Variants in ZNF134 observed in about 807,000 individuals in gnomAD.
The protein encoded by ZNF134 is zinc finger protein 134 (clone pHZ-15).
Under a neutral mutation model 2.5 loss-of-function variants are expected in ZNF134, and 5 were observed. The ratio of observed to expected loss-of-function variants is 2.03; its 90% CI spans 1.06 to 4.27. The LOEUF is 4.27. ZNF134 is among the 30% of genes most tolerant of loss of function. ZNF134 has a pLI of 0.00. For synonymous variants in ZNF134, 176 were observed against 176.2 expected (o/e 1.00, Z 0.01); for missense variants, 540 against 517.5 (o/e 1.04, Z -0.42).
rs370054183 is a variant in ZNF134, at chr19:57,621,148, G to A, written c.1029G>A (p.Pro343=). The A allele has an allele frequency of 1.6e-5, 26 of 1,614,112 alleles. No homozygotes were observed. Among genetic ancestry groups the A allele is most frequent in the Middle Eastern group, 1.6e-4 (1 of 6,084 alleles). ...AGCGAATTCACACTGAGTCAAAGCC[G>A]TTTGAGTGCATTGAATGCGGGAAAT... ...KHQRIHTESK[P]FECIECGKFF... Residue 343 remains proline, a synonymous_variant, in exon 3 of 3, where the codon CCG becomes CCA. Transcript: ENST00000396161.
At position 57,621,393 on chromosome 19, in the gene ZNF134, G is replaced by A. The variant is rs376620094; in HGVS notation, c.1274G>A (p.Gly425Asp). 6.2e-7 allele frequency: 1 copy of A among 1,613,228 alleles called. No homozygotes were observed. Among genetic ancestry groups the A allele is most frequent in the Non-Finnish European group, 8.5e-7 (1 of 1,180,010 alleles). The change falls in exon 3 of 3, where the codon GGC becomes GAC. Residue 425 changes from glycine (G) to aspartate (D), a missense_variant. By Grantham distance (94) the Gly-to-Asp change is moderately conservative. Coordinates refer to ENST00000396161, the MANE Select transcript of ZNF134 (RefSeq NM_003435.5). ...LNRHQKVHTA[G>D]RL ...CGGCACCAGAAAGTTCACACTGCAG[G>A]CAGGCTTTAGGAGTGCTTTGAATAC...
rs1178532411 is a variant in ZNF134, at chr19:57,622,439, G to A, written c.*1036G>A. ...TTGGGGAGATTGTGGCAAACTAGAG[G>A]GGAAGTGCCCATTGTAAAAACACAT... On this transcript the variant is annotated 3_prime_UTR_variant, in exon 3 of 3. Coordinates refer to ENST00000396161, the MANE Select transcript of ZNF134 (RefSeq NM_003435.5). The A allele has an allele frequency of 2.0e-5, 3 of 152,202 alleles. No homozygotes were observed. The highest frequency in any genetic ancestry group is 7.2e-5 in the African/African-American group (3 of 41,422). 9.4% of individuals were successfully genotyped at this position (152,202 alleles called of 1,614,324 possible).
At chr19:57,617,085 C>A (rs1349668738) in intron 1 of ZNF134, among the ~76,000 whole-genome samples, 3 of 152,158 alleles carry the variant, frequency 2.0e-5, no homozygotes, top group Non-Finnish European at 4.4e-5. Flanking sequence ...TTCAGGGAAC[C>A]TCAGGCCTCC....
In ZNF134 at chr19:57,621,092, T is replaced by C; in HGVS notation, c.973T>C (p.Phe325Leu). The C allele has an allele frequency of 6.2e-7, 1 of 1,614,224 alleles. No homozygotes were observed. ...TGATTGCAGTGATTGTGGGAAATCCTTTGGCCACAAATACACCCTCATTAA... is the reference window on the plus strand; with the variant it reads ...TGATTGCAGTGATTGTGGGAAATCCCTTGGCCACAAATACACCCTCATTAA... ...PYDCSDCGKS[F>L]GHKYTLIKHQ... The change falls in exon 3 of 3, where the codon TTT becomes CTT. Residue 325 changes from phenylalanine to leucine, a missense_variant. By Grantham distance (22) the Phe-to-Leu change is conservative. Transcript: ENST00000396161.
chr19:57,614,691 A>C (rs1451524316), intron 1 of ZNF134, among the ~76,000 whole-genome samples, 188 bp downstream of exon 1: 1 of 152,186 alleles, frequency 6.6e-6, no homozygotes, highest in African/African-American at 2.4e-5. Context: ...AGCCCGTAGC[A>C]GTCGGGAGCG....
In ZNF134 at chr19:57,621,604, C is replaced by T; in HGVS notation, c.*201C>T. The T allele has an allele frequency of 2.4e-6, 2 of 832,594 alleles. No individual in the cohort carries two copies. Among genetic ancestry groups the T allele is most frequent in the Admixed American group, 1.7e-5 (1 of 58,698 alleles). The allele number at this position is 832,594 out of a possible 1,614,324, so 51.6% of individuals were successfully genotyped here. ...GCCGAAACCATCTTAACTCTACCAG[C>T]TAAGATACCCCAGCATTGGGGAAGG... On this transcript the variant is annotated 3_prime_UTR_variant, in exon 3 of 3. Coordinates refer to ENST00000396161, the MANE Select transcript of ZNF134 (RefSeq NM_003435.5).
chr19:57,616,755 G>C (rs1981061993), intron 1 of ZNF134, among the ~76,000 whole-genome samples: 1 of 152,218 alleles, frequency 6.6e-6, no homozygotes, highest in Non-Finnish European at 1.5e-5. Context: ...CCTCTTGTGA[G>C]GTTGCCATGG....
intron 1 of ZNF134, 95 bp from the exon 2 acceptor site, chr19:57,619,317 G>A: frequency 1.0e-6 from 1 of 963,742 alleles, no homozygotes; most frequent in Non-Finnish European, 1.6e-6. Context: ...GGTTCATTTT[G>A]TAGCATTTGT....
Position 57,622,280 on chromosome 19 carries a change from A to G in ZNF134, c.*877A>G, listed in dbSNP as rs960833959. ...ATGTTCCCCAACACTGTTGAGGGAA[A>G]GCTGTTCCTCAGGACCTGCTGAGTG... On this transcript the variant is annotated 3_prime_UTR_variant, in exon 3 of 3. Coordinates refer to ENST00000396161, the MANE Select transcript of ZNF134 (RefSeq NM_003435.5). 6.6e-6 allele frequency: 1 copy of G among 152,316 alleles called. No homozygotes were observed. The highest frequency in any genetic ancestry group is 2.4e-5 in the African/African-American group (1 of 41,440). 9.4% of individuals were successfully genotyped at this position (152,316 alleles called of 1,614,324 possible).
rs751099887 is a variant in ZNF134 at position 57,621,451 on chromosome 19, T to A, written c.*48T>A. On this transcript the variant is annotated 3_prime_UTR_variant, in exon 3 of 3. Coordinates refer to ENST00000396161, the MANE Select transcript of ZNF134 (RefSeq NM_003435.5). ...CTCATCAATCAGATGTTGAATTTCA[T>A]GTATCTGAACATTGACACAAAGGAG... The A allele has an allele frequency of 1.2e-6, 2 of 1,604,842 alleles. No individual in the cohort carries two copies. Among genetic ancestry groups the A allele is most frequent in the Non-Finnish European group, 1.7e-6 (2 of 1,179,070 alleles).
rs1408341217 is a variant in ZNF134 at position 57,622,073 on chromosome 19, T to A, written c.*670T>A. On this transcript the variant is annotated 3_prime_UTR_variant, in exon 3 of 3. Coordinates refer to ENST00000396161, the MANE Select transcript of ZNF134 (RefSeq NM_003435.5). Reference sequence around the variant, plus strand: ...ACAGTTCTTAGTCCAGTTTTGATGTTAACTTCCATAGCTGACAAAGCTTGT... The same window carrying A: ...ACAGTTCTTAGTCCAGTTTTGATGTAAACTTCCATAGCTGACAAAGCTTGT... 1 of 159,524 alleles carries A rather than the reference T, an allele frequency of 6.3e-6. No homozygotes were observed. Among genetic ancestry groups the A allele is most frequent in the Non-Finnish European group, 1.4e-5 (1 of 71,742 alleles). The allele number at this position is 159,524 out of a possible 1,614,324, so 9.9% of individuals were successfully genotyped here. A position where few individuals can be genotyped will look rare whatever the true frequency, so the allele number is the denominator to read the frequency against.
rs752176044 is a variant in ZNF134 at position 57,620,718 on chromosome 19, G to A, written c.599G>A (p.Gly200Glu). 1 of 1,611,226 alleles carries A rather than the reference G, an allele frequency of 6.2e-7. No individual in the cohort carries two copies. The highest frequency in any genetic ancestry group is 8.5e-7 in the Non-Finnish European group (1 of 1,177,504). The change falls in exon 3 of 3, where the codon GGA becomes GAA. Residue 200 changes from glycine (G) to glutamate (E), a missense_variant. By Grantham distance (98) the Gly-to-Glu change is moderately conservative. Transcript: ENST00000396161. ...GTCCAGCACCAGAGAATTCATAGTG[G>A]AGAGAAGCCTTATGAGTGCAGCGAA... ...TLVQHQRIHS[G>E]EKPYECSECG...
intron 2 of ZNF134, 127 bp downstream of exon 2, chr19:57,619,635 T>G (rs1981142216): frequency 9.7e-7 from 1 of 1,034,834 alleles, no homozygotes; most frequent in Non-Finnish European, 1.4e-6. Flanking sequence ...TTATCCCCAT[T>G]CTGTACACTC....
At chr19:57,620,054 G>T in intron 2 of ZNF134, 106 bp from the exon 3 acceptor site, 5 of 1,332,888 alleles carry the variant, frequency 3.8e-6, no homozygotes, top group Non-Finnish European at 5.1e-6. Context: ...TGTTCCACCA[G>T]GAAACTTAGG....
chr19:57,615,578 C>T (rs975121862), intron 1 of ZNF134, among the ~76,000 whole-genome samples: 4 of 152,096 alleles, frequency 2.6e-5, no homozygotes, highest in Admixed American at 2.0e-4. Flanking sequence ...GTGTTAATCA[C>T]GATCCCAAGA....
In ZNF134 at chr19:57,614,310, C is replaced by G. The variant is rs902070650; in HGVS notation, c.-251C>G. ...GAAGCTCGGGGTTGCTGGGCGGTTC[C>G]GAGGTGACGGAAGCGGGAGGGTGCG... On this transcript the variant is annotated 5_prime_UTR_variant, in exon 1 of 3. Transcript: ENST00000396161. 1.8e-5 allele frequency: 8 copies of G among 453,202 alleles called. No homozygotes were observed. Among genetic ancestry groups the G allele is most frequent in the South Asian group, 4.7e-5 (3 of 64,200 alleles). 28.1% of individuals were successfully genotyped at this position (453,202 alleles called of 1,614,324 possible). A position where few individuals can be genotyped will look rare whatever the true frequency, so the allele number is the denominator to read the frequency against.
In ZNF134 at chr19:57,614,393, C is replaced by T. The variant is rs374445742; in HGVS notation, c.-168C>T. The T allele has an allele frequency of 2.2e-5, 10 of 452,702 alleles. No homozygotes were observed. Among genetic ancestry groups the T allele is most frequent in the Admixed American group, 9.4e-5 (4 of 42,358 alleles). 28.0% of individuals were successfully genotyped at this position (452,702 alleles called of 1,614,324 possible). On this transcript the variant is annotated 5_prime_UTR_variant, in exon 1 of 3. Transcript: ENST00000396161. ...CGCCAGCGAAGACCCCGCCTGCGCCCCCGGGGACGGACGACCGCGGTGCCA... is the reference window on the plus strand; with the variant it reads ...CGCCAGCGAAGACCCCGCCTGCGCCTCCGGGGACGGACGACCGCGGTGCCA...
At position 57,622,120 on chromosome 19, in the gene ZNF134, T is replaced by C. The variant is rs1294069371; in HGVS notation, c.*717T>C. 6.4e-6 allele frequency: 1 copy of C among 156,808 alleles called. No homozygotes were observed. The highest frequency in any genetic ancestry group is 1.4e-5 in the Non-Finnish European group (1 of 70,604). The allele number at this position is 156,808 out of a possible 1,614,324, so 9.7% of individuals were successfully genotyped here. A position where few individuals can be genotyped will look rare whatever the true frequency, so the allele number is the denominator to read the frequency against. On this transcript the variant is annotated 3_prime_UTR_variant, in exon 3 of 3. Transcript: ENST00000396161. ...TTGTTAAGTAAGAATTAAGATCTTG[T>C]GTAGACCTGATTTGTCTGGATTTTA...
In ZNF134 at chr19:57,620,847, G is replaced by A. The variant is rs769411089; in HGVS notation, c.728G>A (p.Arg243Gln). 1.7e-5 allele frequency: 28 copies of A among 1,614,030 alleles called. No homozygotes were observed. Among genetic ancestry groups the A allele is most frequent in the African/African-American group, 2.7e-5 (2 of 74,912 alleles). The change falls in exon 3 of 3, where the codon CGA becomes CAA. Residue 243 changes from arginine to glutamine, a missense_variant. Arg to Gln is a conservative substitution (Grantham distance 43, BLOSUM62 1). Transcript: ENST00000396161. ...ECSECGKTFS[R>Q]KDNLTQHKRI... Reference sequence around the variant, plus strand: ...AGCGAATGTGGAAAAACCTTCAGTCGAAAAGACAACCTTACTCAGCACAAG... The same window carrying A: ...AGCGAATGTGGAAAAACCTTCAGTCAAAAAGACAACCTTACTCAGCACAAG...
Sources: allele counts gnomAD v4.1 joint callset (sites outside exome capture counted in the v4.1 genomes callset), GRCh38; gene constraint gnomAD v4.1.1; transcripts MANE v1.5; gene names NCBI Gene and HGNC (gene_info 2026-07-23, HGNC 2026-07-21).